Variants in SCCPDH observed in about 807,000 individuals in gnomAD.
SCCPDH encodes the protein saccharopine dehydrogenase (putative).
A neutral mutation model predicts 51.5 loss-of-function variants in SCCPDH; 34 were observed. The ratio of observed to expected loss-of-function variants is 0.66; its 90% CI spans 0.50 to 0.88. The LOEUF is 0.88. Ranked by LOEUF, SCCPDH falls within the 40% of genes least tolerant of loss-of-function variation. SCCPDH has a pLI of 0.00. For missense variants in SCCPDH, 464 were observed against 527.1 expected (o/e 0.88, Z 1.17); for synonymous variants, 187 against 191.3 (o/e 0.98, Z 0.19).
intron 11 of SCCPDH, 149 bp downstream of exon 11, chr1:246,766,288 GAGA>G (rs1558176324): frequency 4.9e-6 from 3 of 607,526 alleles, no homozygotes; most frequent in East Asian, 2.8e-5. Flanking sequence ...TTAAAACTGT[GAGA>G]AGGACAGCTT....
At chr1:246,742,502 G>A (rs376843228) in intron 4 of SCCPDH, among the ~76,000 whole-genome samples, 31 of 152,242 alleles carry the variant, frequency 2.0e-4, no homozygotes, top group African/African-American at 2.6e-4. Flanking sequence ...TCTGCGGATC[G>A]GGTTAGATCA....
intron 2 of SCCPDH, among the ~76,000 whole-genome samples, chr1:246,728,692 T>TA (rs1014340783): frequency 3.9e-5 from 6 of 152,200 alleles, no homozygotes; most frequent in African/African-American, 1.4e-4. Context: ...TCTTTTTTTT[T>TA]AACTATGAAA....
intron 4 of SCCPDH, 97 bp downstream of exon 4, chr1:246,740,398 A>G: frequency 9.1e-7 from 1 of 1,094,986 alleles, no homozygotes; most frequent in Non-Finnish European, 1.3e-6. Context: ...TTGAAAAAAG[A>G]AACATAGCCA....
chr1:246,754,781 G>T (rs1173922344), intron 5 of SCCPDH, among the ~76,000 whole-genome samples: 2 of 152,156 alleles, frequency 1.3e-5, no homozygotes, highest in Non-Finnish European at 2.9e-5. Flanking sequence ...TATAAGGTTG[G>T]TAATAATGTT....
intron 4 of SCCPDH, among the ~76,000 whole-genome samples, chr1:246,741,962 G>A (rs1160972489): frequency 2.6e-5 from 4 of 152,138 alleles, no homozygotes; most frequent in Non-Finnish European, 5.9e-5. Context: ...CCAGCTACTC[G>A]GGAGGCTGAG....
chr1:246,765,850 T>A (rs1669080229), intron 10 of SCCPDH, among the ~76,000 whole-genome samples: 1 of 152,204 alleles, frequency 6.6e-6, no homozygotes, highest in Admixed American at 6.5e-5. Context: ...GAAAATTAAA[T>A]GAGTTTAATA....
At chr1:246,744,582 A>C (rs1320776401) in intron 5 of SCCPDH, among the ~76,000 whole-genome samples, 1 of 151,758 alleles carries the variant, frequency 6.6e-6, no homozygotes, top group Non-Finnish European at 1.5e-5. Flanking sequence ...CAGCCTCCCA[A>C]AGTGCTGGGA....
In SCCPDH at chr1:246,740,231, C is replaced by A. The variant is rs369847658; in HGVS notation, c.444C>A (p.Ile148=). Residue 148 remains isoleucine (I), a synonymous_variant, in exon 4 of 12, where the codon ATC becomes ATA. Transcript: ENST00000366510. ...HEKAADKGVY[I]IGSSGFDSIP... ...AAGCTGCAGACAAAGGGGTTTATAT[C>A]ATTGGAAGCAGCGGCTTTGACTCCA... 6.8e-6 allele frequency: 11 copies of A among 1,609,786 alleles called. No homozygotes were observed. Among genetic ancestry groups the A allele is most frequent in the African/African-American group, 5.3e-5 (4 of 74,972 alleles).
chr1:246,767,978 A>G lies in SCCPDH; in HGVS notation c.*678A>G. 6.6e-6 allele frequency: 1 copy of G among 152,174 alleles called. No homozygotes were observed. The highest frequency in any genetic ancestry group is 1.9e-4 in the East Asian group (1 of 5,198). The allele number at this position is 152,174 out of a possible 1,614,324, so 9.4% of individuals were successfully genotyped here. A position where few individuals can be genotyped will look rare whatever the true frequency, so the allele number is the denominator to read the frequency against. ...TATATCTGTGACTAGGTTTTTAAGG[A>G]TACAGCTTATAAGTTGCTATCAATT... On this transcript the variant is annotated 3_prime_UTR_variant, in exon 12 of 12. Coordinates refer to ENST00000366510, the MANE Select transcript of SCCPDH (RefSeq NM_016002.3).
At chr1:246,761,250 T>C (rs552733651) in intron 9 of SCCPDH, among the ~76,000 whole-genome samples, 1 of 152,336 alleles carries the variant, frequency 6.6e-6, no homozygotes, top group East Asian at 1.9e-4. Context: ...AATTTTTTTG[T>C]ATTTTTAGTA....
chr1:246,744,496 T>C (rs995982827), intron 5 of SCCPDH, among the ~76,000 whole-genome samples: 1 of 152,118 alleles, frequency 6.6e-6, no homozygotes, highest in African/African-American at 2.4e-5. Context: ...TTTTTTTGTA[T>C]TTTTAGTAGA....
At chr1:246,753,952 T>C (rs1366671926) in intron 5 of SCCPDH, among the ~76,000 whole-genome samples, 1 of 151,946 alleles carries the variant, frequency 6.6e-6, no homozygotes, top group Admixed American at 6.6e-5. Flanking sequence ...TCTAGTATTT[T>C]AACATGAGAC....
chr1:246,741,312 T>A (rs1030391572), intron 4 of SCCPDH, among the ~76,000 whole-genome samples: 1 of 152,232 alleles, frequency 6.6e-6, no homozygotes, highest in South Asian at 2.1e-4. Context: ...CTATATAAAA[T>A]TTTAATCCAG....
chr1:246,743,736 G>A (rs56975801), intron 4 of SCCPDH, among the ~76,000 whole-genome samples: 37,673 of 152,016 alleles, frequency 0.25, 4,766 homozygotes, highest in South Asian at 0.3. Flanking sequence ...GCTTTATTGG[G>A]GGAGATTCTT....
At position 246,759,972 on chromosome 1, in the gene SCCPDH, T is replaced by C; in HGVS notation, c.829T>C (p.Tyr277His). ...LEESPVQYAA[Y>H]VTVGGITSVI... ...CATCATCTAGGTTCAGTATGCTGCG[T>C]ATGTAACTGTGGGAGGCATCACCTC... The change falls in exon 8 of 12, where the codon TAT (tyrosine) becomes CAT (histidine). Residue 277 changes from tyrosine (Y) to histidine (H), a missense_variant. Physicochemically the swap from Tyr to His is moderately conservative, Grantham distance 83. Coordinates refer to ENST00000366510, the MANE Select transcript of SCCPDH (RefSeq NM_016002.3). The C allele has an allele frequency of 6.2e-7, 1 of 1,613,166 alleles. No individual in the cohort carries two copies. Among genetic ancestry groups the C allele is most frequent in the East Asian group, 2.2e-5 (1 of 44,826 alleles).
intron 4 of SCCPDH, among the ~76,000 whole-genome samples, chr1:246,741,033 A>G (rs1668668241): frequency 6.6e-6 from 1 of 152,126 alleles, no homozygotes; most frequent in Admixed American, 6.6e-5. Flanking sequence ...TTAGTAAGCT[A>G]TGATTGCACC....
chr1:246,730,041 T>G (rs1231716376), intron 2 of SCCPDH, among the ~76,000 whole-genome samples: 1 of 152,114 alleles, frequency 6.6e-6, no homozygotes, highest in African/African-American at 2.4e-5. Flanking sequence ...TCCCATATTT[T>G]AAAAAAAGCT....
At chr1:246,731,373 C>T (rs75281417) in intron 2 of SCCPDH, among the ~76,000 whole-genome samples, 4,765 of 152,304 alleles carry the variant, frequency 0.031, 125 homozygotes, top group Non-Finnish European at 0.049. Flanking sequence ...GAAGGAGCTA[C>T]GATTATTTTA....
At chr1:246,734,425 G>C (rs779905385) in intron 2 of SCCPDH, among the ~76,000 whole-genome samples, 3 of 152,222 alleles carry the variant, frequency 2.0e-5, no homozygotes, top group Non-Finnish European at 2.9e-5. Context: ...GTTAGTAGGT[G>C]ATGGATTCCA....
Sources: gnomAD v4.1 joint callset for allele counts (sites outside exome capture counted in the v4.1 genomes callset) on GRCh38, gnomAD v4.1.1 for gene constraint, MANE v1.5 for transcripts, NCBI Gene and HGNC (gene_info 2026-07-23, HGNC 2026-07-21) for gene names.